The following EDARADD variants were observed in gnomAD, a reference collection of about 807,000 sequenced individuals.
The protein encoded by EDARADD is ectodysplasin-A receptor-associated adapter protein.
Under a neutral mutation model 25.6 loss-of-function variants are expected in EDARADD, and 20 were observed. That is an observed-to-expected ratio of 0.78 (90% CI 0.55 to 1.14). EDARADD has a LOEUF of 1.14. Among genes scored for constraint, EDARADD ranks in the 50% most tolerant of loss-of-function variants. The pLI, the probability that EDARADD is intolerant of heterozygous loss-of-function variation, is 0.00. For synonymous variants in EDARADD, 86 were observed against 94.4 expected, an observed-to-expected ratio of 0.91 and a Z score of 0.52; for missense variants, 225 against 270.1, an observed-to-expected ratio of 0.83 and a Z score of 1.17.
chr1:236,475,503 G>C (rs1407063007), intron 5 of EDARADD, among the ~76,000 whole-genome samples: 3 of 152,138 alleles, frequency 2.0e-5, no homozygotes, highest in Non-Finnish European at 4.4e-5. Context: ...TGTGGCCCAT[G>C]CTGGTAATCC....
chr1:236,404,258 G>A (rs865825180), intron 1 of EDARADD, among the ~76,000 whole-genome samples: 3 of 152,136 alleles, frequency 2.0e-5, no homozygotes, highest in African/African-American at 7.2e-5. Flanking sequence ...TAATAGTATC[G>A]TAAACATGCA....
At chr1:236,367,001 T>C (rs1190298176) in intron 3 of EDARADD, among the ~76,000 whole-genome samples, 1 of 148,354 alleles carries the variant, frequency 6.7e-6, no homozygotes, top group Non-Finnish European at 1.5e-5. Context: ...GGAGAATTGC[T>C]TGAACTCAGG....
intron 3 of EDARADD, among the ~76,000 whole-genome samples, chr1:236,368,436 T>G (rs1455061404): frequency 7.3e-6 from 1 of 136,916 alleles, no homozygotes; most frequent in Non-Finnish European, 1.6e-5. Context: ...CAATCCAGTC[T>G]TTTCTTTTTT....
intron 3 of EDARADD, 116 bp from the exon 4 acceptor site, chr1:236,427,276 C>A: frequency 1.0e-6 from 1 of 985,118 alleles, no homozygotes; most frequent in Non-Finnish European, 1.5e-6. Flanking sequence ...TCTGATTTTA[C>A]CAGATGCCAA....
rs1158963485 is a variant in EDARADD, at chr1:236,428,403, T to C, written c.219+953T>C. Among the ~76,000 whole-genome samples, 3 of 152,192 alleles carry C rather than the reference T, an allele frequency of 2.0e-5. No individual in the cohort carries two copies. In the East Asian group the frequency reaches 5.8e-4, roughly 29 times the overall value. ...ACAGACGCAGTAACAATCCGATCTC[T>C]CTTTCTTTTCCCCACACTTCACCCC... On this transcript the variant is annotated intron_variant, in intron 4 of 5. Coordinates refer to ENST00000334232, the MANE Select transcript of EDARADD (RefSeq NM_145861.4).
Position 236,483,532 on chromosome 1 carries a change from C to A in EDARADD, c.*883C>A. The A allele has an allele frequency of 9.2e-7, 1 of 1,082,036 alleles. No individual in the cohort carries two copies. Among genetic ancestry groups the A allele is most frequent in the Non-Finnish European group, 1.4e-6 (1 of 697,442 alleles). The allele number at this position is 1,082,036 out of a possible 1,614,324, so 67.0% of individuals were successfully genotyped here. ...TCCCTCGCTGCCTGCAAAGCTAGTG[C>A]TGTTGAGAAGGGGGTTCCCCTGTAC... On this transcript the variant is annotated 3_prime_UTR_variant, in exon 6 of 6. Coordinates refer to ENST00000334232, the MANE Select transcript of EDARADD (RefSeq NM_145861.4).
intron 4 of EDARADD, among the ~76,000 whole-genome samples, chr1:236,466,718 C>T (rs1202690291): frequency 6.6e-6 from 1 of 152,052 alleles, no homozygotes; most frequent in African/African-American, 2.4e-5. Flanking sequence ...GATGGGTGAG[C>T]TTGGGATGAG....
chr1:236,389,491 T>TATTG (rs956783698), upstream of EDARADD, among the ~76,000 whole-genome samples: 1 of 152,144 alleles, frequency 6.6e-6, no homozygotes, highest in Non-Finnish European at 1.5e-5. Context: ...TGAGGAAGGG[T>TATTG]ATTGCATAAG....
Position 236,484,498 on chromosome 1 carries a change from CTGG to C in EDARADD, c.*1853_*1855del. 6.3e-7 allele frequency: 1 copy of C among 1,579,892 alleles called. No homozygotes were observed. Among genetic ancestry groups the C allele is most frequent in the Non-Finnish European group, 8.7e-7 (1 of 1,154,108 alleles). On this transcript the variant is annotated 3_prime_UTR_variant, in exon 6 of 6. Coordinates refer to ENST00000334232, the MANE Select transcript of EDARADD (RefSeq NM_145861.4). The surrounding 1 kb of genome is among the most constrained non-coding windows in gnomAD (Gnocchi z 4.1). ...GTGGGCAGGCAAGCCCTTCAGTCAC[CTGG>C]TGGCTAATTAGACCCCTCCCCTTGT...
intron 5 of EDARADD, among the ~76,000 whole-genome samples, chr1:236,478,198 T>G (rs1231970538): frequency 6.6e-6 from 1 of 152,104 alleles, no homozygotes; most frequent in East Asian, 1.9e-4. Flanking sequence ...ACCAGTAGCC[T>G]TAGAAGGCTC....
At chr1:236,447,859 C>T (rs1297849487) in intron 4 of EDARADD, among the ~76,000 whole-genome samples, 3 of 150,254 alleles carry the variant, frequency 2.0e-5, no homozygotes, top group African/African-American at 7.4e-5. Context: ...TTTTTTGAGA[C>T]AGTTTCACTC....
chr1:236,348,481 C>T (rs1262161588), intron 1 of EDARADD, among the ~76,000 whole-genome samples: 1 of 152,274 alleles, frequency 6.6e-6, no homozygotes, highest in Non-Finnish European at 1.5e-5. Flanking sequence ...CGCCGCGCCC[C>T]TCCCTGGGTC....
chr1:236,484,223 C>T lies in EDARADD; in HGVS notation c.*1574C>T, dbSNP rs879238809. 1 of 985,688 alleles carries T rather than the reference C, an allele frequency of 1.0e-6. No homozygotes were observed. The highest frequency in any genetic ancestry group is 1.6e-6 in the Non-Finnish European group (1 of 607,664). The allele number at this position is 985,688 out of a possible 1,614,324, so 61.1% of individuals were successfully genotyped here. A position where few individuals can be genotyped will look rare whatever the true frequency, so the allele number is the denominator to read the frequency against. On this transcript the variant is annotated 3_prime_UTR_variant, in exon 6 of 6. Transcript: ENST00000334232. This position sits in a 1 kb window ranked among gnomAD's most constrained non-coding sequence, Gnocchi z 4.1. ...ACCAGATTCGCTCTGTGACTGAGTCCCTTCAGGCGTGCAAGCTGGCCCAGG... is the reference window on the plus strand; with the variant it reads ...ACCAGATTCGCTCTGTGACTGAGTCTCTTCAGGCGTGCAAGCTGGCCCAGG...
Position 236,482,765 on chromosome 1 carries a change from C to T in EDARADD, c.*116C>T, listed in dbSNP as rs771924946. ...GGACAAGGACGTGGAACAGTGGACACTGGTTTTCCCCAAAGCTGGCAGTTT... is the reference window on the plus strand; with the variant it reads ...GGACAAGGACGTGGAACAGTGGACATTGGTTTTCCCCAAAGCTGGCAGTTT... On this transcript the variant is annotated 3_prime_UTR_variant, in exon 6 of 6. Coordinates refer to ENST00000334232, the MANE Select transcript of EDARADD (RefSeq NM_145861.4). The T allele has an allele frequency of 5.3e-6, 8 of 1,500,554 alleles. No homozygotes were observed. The highest frequency in any genetic ancestry group is 2.3e-5 in the East Asian group (1 of 43,670). 93.0% of individuals were successfully genotyped at this position (1,500,554 alleles called of 1,614,324 possible).
intron 5 of EDARADD, among the ~76,000 whole-genome samples, chr1:236,469,613 C>T (rs769128552): frequency 1.2e-4 from 19 of 152,064 alleles, no homozygotes; most frequent in Non-Finnish European, 2.6e-4. Context: ...GTGGGGAACC[C>T]GTAGAGCCCT....
At chr1:236,386,973 G>A (rs1473010183) in intron 3 of EDARADD, among the ~76,000 whole-genome samples, 90 of 54,126 alleles carry the variant, frequency 1.7e-3, no homozygotes, top group Non-Finnish European at 1.8e-3. Context: ...GGTGAGGGGC[G>A]CCTCTGCCCG....
intron 4 of EDARADD, among the ~76,000 whole-genome samples, chr1:236,448,471 AG>A (rs1396874370): frequency 6.6e-6 from 1 of 152,212 alleles, no homozygotes; most frequent in African/African-American, 2.4e-5. Flanking sequence ...CCACAATGAC[AG>A]CCCCAGCTGC....
chr1:236,472,128 A>G lies in EDARADD; in HGVS notation c.265+3852A>G, dbSNP rs115294949. Among the ~76,000 whole-genome samples the G allele has an allele frequency of 7.3e-3, 1,114 of 152,128 alleles. 19 individuals are homozygous for G. The highest frequency in any genetic ancestry group is 0.026 in the African/African-American group (1,063 of 41,516). ...GAGTGGGATACGATGGAGAGGAGGG[A>G]GGTGGGGGAAGAAATGCCCCATGGA... On this transcript the variant is annotated intron_variant, in intron 5 of 5. Transcript: ENST00000334232.
chr1:236,484,244 C>T lies in EDARADD; in HGVS notation c.*1595C>T, dbSNP rs367771921. On this transcript the variant is annotated 3_prime_UTR_variant, in exon 6 of 6. Transcript: ENST00000334232. The surrounding 1 kb of genome is among the most constrained non-coding windows in gnomAD (Gnocchi z 4.1). ...AGTCCCTTCAGGCGTGCAAGCTGGCCCAGGCCAATGGTTGGTGTGTCATGG... is the reference window on the plus strand; with the variant it reads ...AGTCCCTTCAGGCGTGCAAGCTGGCTCAGGCCAATGGTTGGTGTGTCATGG... The T allele has an allele frequency of 3.0e-5, 29 of 973,022 alleles. No homozygotes were observed. In the East Asian group the frequency reaches 3.3e-4, roughly 11 times the overall value. The allele number at this position is 973,022 out of a possible 1,614,324, so 60.3% of individuals were successfully genotyped here.
Sources: gnomAD v4.1 joint callset for allele counts (sites outside exome capture counted in the v4.1 genomes callset) on GRCh38, gnomAD v4.1.1 for gene constraint, Gnocchi (gnomAD v3.1) non-coding constraint, MANE v1.5 for transcripts, NCBI Gene and HGNC (gene_info 2026-07-23, HGNC 2026-07-21) for gene names.